Variants in PKHD1 observed in about 807,000 individuals in gnomAD.
PKHD1 encodes fibrocystin.
PKHD1 carries 291 observed loss-of-function variants against 412.0 expected under a neutral mutation model. The observed-to-expected ratio is 0.71, with a 90% CI of 0.64 to 0.78. The LOEUF is 0.78. PKHD1 is among the 30% of genes least tolerant of loss of function. PKHD1 has a pLI of 0.00. For synonymous variants in PKHD1, 1,777 were observed against 1,821.5 expected, an observed-to-expected ratio of 0.98 and a Z score of 0.62; for missense variants, 4,825 against 4,950.7, an observed-to-expected ratio of 0.97 and a Z score of 0.76.
At chr6:51,935,125 G>C (rs1787262541) in intron 36 of PKHD1, among the ~76,000 whole-genome samples, 1 of 152,046 alleles carries the variant, frequency 6.6e-6, no homozygotes, top group African/African-American at 2.4e-5. Context: ...GCTTTCCACT[G>C]ATTAGTAGGT....
intron 35 of PKHD1, among the ~76,000 whole-genome samples, chr6:51,964,619 A>G (rs1260239456): frequency 6.6e-6 from 1 of 152,138 alleles, no homozygotes; most frequent in Non-Finnish European, 1.5e-5. Flanking sequence ...TCTATTGGCT[A>G]CCCCAAAAAT....
Position 51,934,215 on chromosome 6 carries a change from GGAA to G in PKHD1, c.6013_6015del (p.Phe2005del). 1.2e-6 allele frequency: 2 copies of G among 1,613,782 alleles called. No homozygotes were observed. The highest frequency in any genetic ancestry group is 1.7e-6 in the Non-Finnish European group (2 of 1,179,696). On this transcript the variant is annotated inframe_deletion, in exon 37 of 67. Transcript: ENST00000371117. ...TAGAGTGTGATCTGAGCTCTGCCTTGGAAGGGCTTGTCTTCGGATCCAATCCGG... is the reference window on the plus strand; with the variant it reads ...TAGAGTGTGATCTGAGCTCTGCCTTGGGGCTTGTCTTCGGATCCAATCCGG...
At chr6:52,008,055 G>A (rs982394543) in intron 35 of PKHD1, among the ~76,000 whole-genome samples, 12 of 152,182 alleles carry the variant, frequency 7.9e-5, no homozygotes, top group Admixed American at 7.2e-4. Context: ...ACACTTGAGT[G>A]TAACACATCA....
chr6:52,032,987 A>G (rs376023591), intron 29 of PKHD1, 43 bp downstream of exon 29: 149 of 1,559,848 alleles, frequency 9.6e-5, no homozygotes, highest in Non-Finnish European at 1.2e-4. Flanking sequence ...TATAGGACCA[A>G]TGCTCTAAGA....
rs538689554 is a variant in PKHD1 at position 51,969,182 on chromosome 6, C to G, written c.5752-9156G>C. 3.3e-5 allele frequency among the ~76,000 whole-genome samples: 5 copies of G among 152,224 alleles called. No individual in the cohort carries two copies. In the East Asian group the frequency reaches 5.8e-4, roughly 18 times the overall value. On this transcript the variant is annotated intron_variant, in intron 35 of 66. Transcript: ENST00000371117. ...TTGGAGGAGACCATGTGGCTAGAAC[C>G]CAAGAACAGCCTTTAATTGCTGAAA...
chr6:51,627,023 T>C lies in PKHD1; in HGVS notation c.11759A>G (p.Lys3920Arg), dbSNP rs770606518. 1.2e-6 allele frequency: 2 copies of C among 1,613,510 alleles called. No individual in the cohort carries two copies. Among genetic ancestry groups the C allele is most frequent in the South Asian group, 1.1e-5 (1 of 91,056 alleles). The change falls in exon 66 of 67, where the codon AAA (lysine) becomes AGA (arginine). Residue 3920 changes from lysine to arginine, a missense_variant. Coordinates refer to ENST00000371117, the MANE Select transcript of PKHD1 (RefSeq NM_138694.4). Reference sequence around the variant, plus strand: ...TTCTCCCACCACAGTGTCTTCTTTTTTGGGCCCTTGTGATTCTCGGCGTTT... The same window carrying C: ...TTCTCCCACCACAGTGTCTTCTTTTCTGGGCCCTTGTGATTCTCGGCGTTT... ...SSKRRESQGPKKEDTVVGEDM... is the reference protein window; with the variant it reads ...SSKRRESQGPRKEDTVVGEDM...
At chr6:51,670,145 G>A (rs868224882) in intron 60 of PKHD1, among the ~76,000 whole-genome samples, 5 of 144,022 alleles carry the variant, frequency 3.5e-5, no homozygotes, top group Middle Eastern at 3.5e-3. Flanking sequence ...TTGACAGTGG[G>A]GTGTTAAAGT....
chr6:51,977,094 T>C (rs1794560933), intron 35 of PKHD1, among the ~76,000 whole-genome samples: 1 of 152,176 alleles, frequency 6.6e-6, no homozygotes, highest in South Asian at 2.1e-4. Context: ...TAAAGCCTAT[T>C]TGGAATTGGG....
intron 60 of PKHD1, among the ~76,000 whole-genome samples, chr6:51,724,144 CA>C (rs1349876332): frequency 6.6e-6 from 1 of 152,144 alleles, no homozygotes; most frequent in Non-Finnish European, 1.5e-5. Context: ...AGGGCAGCTG[CA>C]AAAGATTACC....
chr6:52,026,782 T>C (rs1802259838), intron 31 of PKHD1, among the ~76,000 whole-genome samples: 1 of 152,198 alleles, frequency 6.6e-6, no homozygotes, highest in Non-Finnish European at 1.5e-5. Context: ...GCTACCTTCA[T>C]AGAATCTTTG....
intron 37 of PKHD1, among the ~76,000 whole-genome samples, chr6:51,933,265 C>T (rs536409226): frequency 6.6e-6 from 1 of 152,268 alleles, no homozygotes; most frequent in South Asian, 2.1e-4. Context: ...ATTAGATGAT[C>T]AGAAAGCAAA....
intron 60 of PKHD1, among the ~76,000 whole-genome samples, chr6:51,679,565 G>A (rs1225048888): frequency 1.3e-5 from 2 of 151,722 alleles, no homozygotes; most frequent in East Asian, 1.9e-4. Flanking sequence ...CAAAACCTTC[G>A]ACTGATATTT....
intron 54 of PKHD1, among the ~76,000 whole-genome samples, chr6:51,775,301 T>C: frequency 6.6e-6 from 1 of 151,802 alleles, no homozygotes. Flanking sequence ...CTCTTATGCC[T>C]CAAAACTGAG....
chr6:51,667,009 G>A (rs1186051972), intron 60 of PKHD1, among the ~76,000 whole-genome samples: 3 of 149,058 alleles, frequency 2.0e-5, no homozygotes, highest in Non-Finnish European at 4.5e-5. Context: ...AAACATACGT[G>A]TGCATGTGTC....
chr6:51,888,958 T>G (rs1033413192), intron 43 of PKHD1, among the ~76,000 whole-genome samples: 2 of 151,994 alleles, frequency 1.3e-5, no homozygotes, highest in Non-Finnish European at 2.9e-5. Context: ...ACTTCCTATG[T>G]GCCCACGTGC....
intron 36 of PKHD1, among the ~76,000 whole-genome samples, chr6:51,937,338 C>T (rs1787669859): frequency 6.6e-6 from 1 of 152,202 alleles, no homozygotes; most frequent in South Asian, 2.1e-4. Context: ...TGTAGCCTGA[C>T]CATCTTGGGC....
intron 51 of PKHD1, among the ~76,000 whole-genome samples, chr6:51,831,492 TCATATTTTAAAAATC>T (rs1208453747): frequency 6.6e-6 from 1 of 152,226 alleles, no homozygotes; most frequent in African/African-American, 2.4e-5. Flanking sequence ...TGGCTACATA[TCATATTTTAAAAATC>T]CATAATTAAT....
chr6:51,981,304 GCTCAAGCTCTCC>G lies in PKHD1; in HGVS notation c.5752-21290_5752-21279del, dbSNP rs1225023328. ...AGAGCCCTTTTAGAGAGGCTCCAAA[GCTCAAGCTCTCC>G]CTCTCCCTCTCCCTCTCCCTCTCCC... On this transcript the variant is annotated intron_variant, in intron 35 of 66. Coordinates refer to ENST00000371117, the MANE Select transcript of PKHD1 (RefSeq NM_138694.4). Among the ~76,000 whole-genome samples, 16 of 22,038 alleles carry G rather than the reference GCTCAAGCTCTCC, an allele frequency of 7.3e-4. 3 individuals are homozygous for G. Among genetic ancestry groups the G allele is most frequent in the Admixed American group, 1.5e-3 (2 of 1,372 alleles). 14.5% of individuals were successfully genotyped at this position (22,038 alleles called of 152,430 possible).
rs1436735854 is a variant in PKHD1, at chr6:51,705,480, A to T, written c.10156+38905T>A. Among the ~76,000 whole-genome samples the T allele has an allele frequency of 3.3e-5, 5 of 152,226 alleles. No homozygotes were observed. In the East Asian group the frequency reaches 9.7e-4, roughly 29 times the overall value. On this transcript the variant is annotated intron_variant, in intron 60 of 66. Coordinates refer to ENST00000371117, the MANE Select transcript of PKHD1 (RefSeq NM_138694.4). ...TGAAGAAGAATATGACAGTAGCTCC[A>T]GGGGGATTCTGGGTCAAAGAGCCTC...
Sources: allele counts gnomAD v4.1 joint callset (sites outside exome capture counted in the v4.1 genomes callset), GRCh38; gene constraint gnomAD v4.1.1; transcripts MANE v1.5; gene names NCBI Gene and HGNC (gene_info 2026-07-23, HGNC 2026-07-21).